The following VPS41 variants were observed in gnomAD, a reference collection of about 807,000 sequenced individuals.
VPS41 encodes the protein VPS41 subunit of HOPS complex.
VPS41 carries 85 observed loss-of-function variants against 130.9 expected under a neutral mutation model. That is an observed-to-expected ratio of 0.65 (90% CI 0.55 to 0.78). The LOEUF (loss-of-function observed/expected upper bound fraction) is 0.78. Among genes scored for constraint, VPS41 ranks in the 30% least tolerant of loss-of-function variants. The pLI, the probability that VPS41 is intolerant of heterozygous loss-of-function variation, is 0.00. For synonymous variants in VPS41, 335 were observed against 332.9 expected (o/e 1.01, Z -0.07); for missense variants, 874 against 1,018.7 (o/e 0.86, Z 1.93).
intron 2 of VPS41, among the ~76,000 whole-genome samples, chr7:38,870,800 T>C (rs1255619329): frequency 8.7e-6 from 1 of 115,384 alleles, no homozygotes; most frequent in African/African-American, 3.3e-5. Flanking sequence ...AAGATAGAAA[T>C]TTTCAACAGA....
rs558457889 is a variant in VPS41, at chr7:38,847,025, G to A, written c.246+15520C>T. Among the ~76,000 whole-genome samples the A allele has an allele frequency of 1.3e-4, 20 of 152,230 alleles. No homozygotes were observed. The East Asian group carries it at 3.7e-3, about 28-fold the overall frequency. Reference sequence around the variant, plus strand: ...AAAAAAGAGTAGGAGACTTCACCGTGTCTGGCCCAGTAGACCACACCAAAA... The same window carrying A: ...AAAAAAGAGTAGGAGACTTCACCGTATCTGGCCCAGTAGACCACACCAAAA... On this transcript the variant is annotated intron_variant, in intron 4 of 28. Transcript: ENST00000310301.
At chr7:38,899,852 T>A (rs376402353) in intron 1 of VPS41, among the ~76,000 whole-genome samples, 1 of 152,154 alleles carries the variant, frequency 6.6e-6, no homozygotes, top group East Asian at 1.9e-4. Context: ...TTCAGGAAAA[T>A]CACATTAAAC....
Position 38,824,272 on chromosome 7 carries a change from C to T in VPS41, c.322-3007G>A, listed in dbSNP as rs544237051. Among the ~76,000 whole-genome samples, 10 of 152,320 alleles carry T rather than the reference C, an allele frequency of 6.6e-5. No individual in the cohort carries two copies. In the South Asian group the frequency reaches 1.7e-3, roughly 25 times the overall value. On this transcript the variant is annotated intron_variant, in intron 5 of 28. Coordinates refer to ENST00000310301, the MANE Select transcript of VPS41 (RefSeq NM_014396.4). ...CAACATGCTTTACCTTAGTGGTTCTCAAACACACCTGTACAGTTAAAATTC... is the reference window on the plus strand; with the variant it reads ...CAACATGCTTTACCTTAGTGGTTCTTAAACACACCTGTACAGTTAAAATTC...
intron 1 of VPS41, among the ~76,000 whole-genome samples, chr7:38,904,467 T>C (rs1787211820): frequency 1.3e-5 from 2 of 151,820 alleles, no homozygotes; most frequent in African/African-American, 2.4e-5. Flanking sequence ...CTTTAGTTAG[T>C]AGTAACACTG....
intron 4 of VPS41, chr7:38,831,199 A>G (rs917812432): frequency 4.2e-6 from 2 of 470,794 alleles, no homozygotes; most frequent in Non-Finnish European, 8.8e-6. Context: ...GTCTTGGCAA[A>G]TATAAACTGC....
chr7:38,728,038 T>C (rs1311241809), intron 27 of VPS41, among the ~76,000 whole-genome samples: 1 of 152,180 alleles, frequency 6.6e-6, no homozygotes, highest in Non-Finnish European at 1.5e-5. Flanking sequence ...TGTAGAACCA[T>C]ATATCAGAGA....
chr7:38,855,208 C>CAAAAA (rs746134361), intron 4 of VPS41, among the ~76,000 whole-genome samples: 5 of 77,242 alleles, frequency 6.5e-5, no homozygotes, highest in African/African-American at 2.3e-4. Context: ...GACTCCCTCT[C>CAAAAA]AAAAAAAAAA....
At chr7:38,871,636 T>A (rs77419158) in intron 2 of VPS41, among the ~76,000 whole-genome samples, 7,433 of 152,278 alleles carry the variant, frequency 0.049, 221 homozygotes, top group Middle Eastern at 0.12. Flanking sequence ...AGTCAATACC[T>A]TCTATAACAC....
At chr7:38,808,487 C>T (rs1784880677) in intron 7 of VPS41, among the ~76,000 whole-genome samples, 1 of 152,180 alleles carries the variant, frequency 6.6e-6, no homozygotes, top group Non-Finnish European at 1.5e-5. Flanking sequence ...CAATTTACAA[C>T]ACAGTACCTA....
chr7:38,853,406 G>A (rs192006965), intron 4 of VPS41, among the ~76,000 whole-genome samples: 2,697 of 118,606 alleles, frequency 0.023, 91 homozygotes, highest in African/African-American at 0.084. Context: ...GCGACAGAGC[G>A]AGACTCCTTC....
At chr7:38,788,291 G>A (rs549634171) in intron 10 of VPS41, among the ~76,000 whole-genome samples, 5 of 152,180 alleles carry the variant, frequency 3.3e-5, no homozygotes, top group Non-Finnish European at 5.9e-5. Flanking sequence ...GTTCTGTAGA[G>A]TTAGATTCTA....
At chr7:38,848,803 A>G (rs1785783437) in intron 4 of VPS41, among the ~76,000 whole-genome samples, 1 of 152,074 alleles carries the variant, frequency 6.6e-6, no homozygotes, top group Non-Finnish European at 1.5e-5. Context: ...TCTGCTGGAC[A>G]TTACCGCCCC....
chr7:38,834,972 A>G (rs1025981382), intron 4 of VPS41, among the ~76,000 whole-genome samples: 1 of 152,024 alleles, frequency 6.6e-6, no homozygotes, highest in African/African-American at 2.4e-5. Flanking sequence ...ATAAATAGTA[A>G]AACTATTACT....
At chr7:38,762,798 C>T (rs191076328) in intron 17 of VPS41, among the ~76,000 whole-genome samples, 111 of 152,262 alleles carry the variant, frequency 7.3e-4, no homozygotes, top group Non-Finnish European at 1.3e-3. Context: ...TTATTTACAA[C>T]CTCCTTAACA....
chr7:38,898,240 G>A, intron 1 of VPS41, 111 bp from the exon 2 acceptor site: 1 of 861,034 alleles, frequency 1.2e-6, no homozygotes, highest in Non-Finnish European at 1.9e-6. Flanking sequence ...CTTTTTGGAA[G>A]AGAATCTACA....
chr7:38,780,773 C>G (rs34276565), intron 10 of VPS41, among the ~76,000 whole-genome samples: 97,973 of 152,032 alleles, frequency 0.64, 32,931 homozygotes, highest in East Asian at 0.88. Flanking sequence ...CAGTGTTGGA[C>G]GAGGGGCCTG....
At chr7:38,795,436 G>C (rs752311347) in intron 9 of VPS41, 29 bp downstream of exon 9, 1 of 1,598,748 alleles carries the variant, frequency 6.3e-7, no homozygotes, top group Non-Finnish European at 8.5e-7. Flanking sequence ...ATAACAACAC[G>C]GACTTATTAT....
intron 22 of VPS41, among the ~76,000 whole-genome samples, chr7:38,750,096 C>A (rs1263989249): frequency 2.0e-5 from 3 of 152,262 alleles, no homozygotes; most frequent in Middle Eastern, 3.4e-3. Flanking sequence ...AAACTCCTGG[C>A]CCAAAACTAT....
Position 38,793,902 on chromosome 7 carries a change from A to G in VPS41, c.717+1563T>C, listed in dbSNP as rs573019347. 5.3e-5 allele frequency among the ~76,000 whole-genome samples: 8 copies of G among 152,304 alleles called. No homozygotes were observed. The South Asian group carries it at 1.7e-3, about 32-fold the overall frequency. On this transcript the variant is annotated intron_variant, in intron 9 of 28. Coordinates refer to ENST00000310301, the MANE Select transcript of VPS41 (RefSeq NM_014396.4). ...CATTTAGGGCCCACCCAGATAATGTAGGTTAATTCCCCATCTCAAGATCCT... is the reference window on the plus strand; with the variant it reads ...CATTTAGGGCCCACCCAGATAATGTGGGTTAATTCCCCATCTCAAGATCCT...
Sources: allele counts gnomAD v4.1 joint callset (sites outside exome capture counted in the v4.1 genomes callset), GRCh38; gene constraint gnomAD v4.1.1; transcripts MANE v1.5; gene names NCBI Gene and HGNC (gene_info 2026-07-23, HGNC 2026-07-21).